RDX: variants seen among roughly 807,000 people sequenced by gnomAD.
RDX encodes radixin.
Under a neutral mutation model 83.7 loss-of-function variants are expected in RDX, and 32 were observed. The ratio of observed to expected loss-of-function variants is 0.38; its 90% CI spans 0.29 to 0.51. The LOEUF is 0.51. Among genes scored for constraint, RDX ranks in the 20% least tolerant of loss-of-function variants. RDX has a pLI of 0.87. For missense variants in RDX, 600 were observed against 689.9 expected, an observed-to-expected ratio of 0.87 and a Z score of 1.46; for synonymous variants, 229 against 222.7, an observed-to-expected ratio of 1.03 and a Z score of -0.25.
intron 2 of RDX, among the ~76,000 whole-genome samples, chr11:110,278,894 AAAG>A (rs1462923029): frequency 1.3e-5 from 2 of 152,128 alleles, no homozygotes; most frequent in Non-Finnish European, 2.9e-5. Flanking sequence ...TAGATTAAGA[AAAG>A]AACATTTACA....
downstream of RDX, among the ~76,000 whole-genome samples, chr11:110,225,160 A>G (rs2134283355): frequency 6.6e-6 from 1 of 152,278 alleles, no homozygotes; most frequent in East Asian, 1.9e-4. Flanking sequence ...GCCTTTTTGT[A>G]ACACCTTCTT....
At chr11:110,280,425 T>G (rs1400352253) in intron 1 of RDX, among the ~76,000 whole-genome samples, 1 of 152,104 alleles carries the variant, frequency 6.6e-6, no homozygotes, top group Non-Finnish European at 1.5e-5. Context: ...TTTATTTTAT[T>G]TTTTTGTAGA....
intron 14 of RDX, among the ~76,000 whole-genome samples, chr11:110,222,275 A>G (rs1455823024): frequency 6.6e-6 from 1 of 152,270 alleles, no homozygotes; most frequent in East Asian, 1.9e-4. Flanking sequence ...AAATTTACAT[A>G]CCTTAACCTC....
intron 11 of RDX, among the ~76,000 whole-genome samples, chr11:110,236,998 C>T (rs947561391): frequency 1.3e-5 from 2 of 151,512 alleles, no homozygotes; most frequent in Admixed American, 1.3e-4. Context: ...CATGTGTGAA[C>T]TAATATTTAA....
At chr11:110,213,080 G>T (rs1863901328) in intron 14 of RDX, among the ~76,000 whole-genome samples, 2 of 151,556 alleles carry the variant, frequency 1.3e-5, no homozygotes, top group Admixed American at 6.6e-5. Flanking sequence ...TGTATATCTA[G>T]AAAACCCCAT....
chr11:110,284,788 T>G (rs896522446), intron 1 of RDX, among the ~76,000 whole-genome samples: 3 of 151,812 alleles, frequency 2.0e-5, no homozygotes, highest in Non-Finnish European at 4.4e-5. Flanking sequence ...CTCCCAAAGT[T>G]CTGGGATTAC....
chr11:110,191,378 C>T (rs909444207), intron 15 of RDX, among the ~76,000 whole-genome samples: 5 of 152,196 alleles, frequency 3.3e-5, no homozygotes, highest in Non-Finnish European at 7.4e-5. Flanking sequence ...TCCAATATCC[C>T]TTCGGGATAA....
At chr11:110,246,274 T>G (rs934466293) in intron 10 of RDX, among the ~76,000 whole-genome samples, 4 of 152,208 alleles carry the variant, frequency 2.6e-5, no homozygotes, top group African/African-American at 9.6e-5. Context: ...GCTTGCGCAT[T>G]TATAGCAATC....
At chr11:110,200,791 A>G (rs1332422463) in intron 14 of RDX, among the ~76,000 whole-genome samples, 1 of 152,240 alleles carries the variant, frequency 6.6e-6, no homozygotes, top group Non-Finnish European at 1.5e-5. Context: ...TAACCTGGCC[A>G]GAAATAATTC....
At position 110,237,486 on chromosome 11, in the gene RDX, C is replaced by T. The variant is rs757793522; in HGVS notation, c.1251+6G>A. On this transcript the variant is annotated splice_donor_region_variant and intron_variant, in intron 11 of 13. Coordinates refer to ENST00000645495, the MANE Select transcript of RDX (RefSeq NM_002906.4). ...AACTTTTTTCTCTAAGAAGACAGTT[C>T]CTTACTAGCTGCTCCTGATTCTTCA... 1 of 1,612,000 alleles carries T rather than the reference C, an allele frequency of 6.2e-7. No individual in the cohort carries two copies. Among genetic ancestry groups the T allele is most frequent in the Non-Finnish European group, 8.5e-7 (1 of 1,179,904 alleles).
At chr11:110,265,701 G>C (rs1364588361) in intron 3 of RDX, among the ~76,000 whole-genome samples, 1 of 151,988 alleles carries the variant, frequency 6.6e-6, no homozygotes, top group Non-Finnish European at 1.5e-5. Flanking sequence ...CAATTTTGCT[G>C]ATGTTTTTTC....
chr11:110,198,284 C>A (rs1181728646), intron 15 of RDX, among the ~76,000 whole-genome samples: 72 of 141,004 alleles, frequency 5.1e-4, no homozygotes, highest in South Asian at 6.7e-4. Context: ...TAGTCTCTGC[C>A]AAAAAAAAAA....
At chr11:110,220,774 A>G (rs574461348) in intron 14 of RDX, among the ~76,000 whole-genome samples, 4 of 151,850 alleles carry the variant, frequency 2.6e-5, no homozygotes, top group Admixed American at 2.6e-4. Context: ...CTGGGATTAC[A>G]GGCGTGAGCC....
chr11:110,186,391 C>T (rs1862987250), intron 15 of RDX, among the ~76,000 whole-genome samples: 1 of 152,042 alleles, frequency 6.6e-6, no homozygotes, highest in Admixed American at 6.6e-5. Flanking sequence ...TATCTTAATG[C>T]ATTTTTTGGT....
intron 2 of RDX, among the ~76,000 whole-genome samples, chr11:110,278,046 T>C (rs187568286): frequency 1.6e-4 from 24 of 152,324 alleles, no homozygotes; most frequent in Admixed American, 3.3e-4. Context: ...TTGTTGAAAA[T>C]AATTATAGTT....
At chr11:110,266,919 G>A (rs549762520) in intron 3 of RDX, among the ~76,000 whole-genome samples, 3 of 151,960 alleles carry the variant, frequency 2.0e-5, no homozygotes, top group Admixed American at 1.3e-4. Flanking sequence ...TTTGTTTTGA[G>A]ACGGGGTCTC....
At chr11:110,252,241 T>C (rs1388362506) in intron 9 of RDX, among the ~76,000 whole-genome samples, 1 of 152,202 alleles carries the variant, frequency 6.6e-6, no homozygotes. Context: ...CTACGGATTA[T>C]TGTGCCAAAA....
chr11:110,290,887 T>C (rs1370482188), intron 1 of RDX, among the ~76,000 whole-genome samples: 2 of 152,216 alleles, frequency 1.3e-5, no homozygotes, highest in Non-Finnish European at 2.9e-5. Context: ...TTGCCAAGTA[T>C]TTTAACAAGA....
chr11:110,218,453 T>C (rs1591519979), intron 14 of RDX, among the ~76,000 whole-genome samples: 2 of 152,326 alleles, frequency 1.3e-5, no homozygotes, highest in Middle Eastern at 3.4e-3. Flanking sequence ...CAGTACTTCA[T>C]GTTGGCACTC....
Sources: allele counts gnomAD v4.1 joint callset (sites outside exome capture counted in the v4.1 genomes callset), GRCh38; gene constraint gnomAD v4.1.1; transcripts MANE v1.5; gene names NCBI Gene and HGNC (gene_info 2026-07-23, HGNC 2026-07-21).